The following PDLIM3 variants were observed in gnomAD, a reference collection of about 807,000 sequenced individuals.
PDLIM3 encodes PDZ and LIM domain 3, also known as PDZ and LIM domain protein 3.
In PDLIM3, 36 loss-of-function variants were observed where a neutral mutation model predicts 37.3. That is an observed-to-expected ratio of 0.97 (90% CI 0.74 to 1.28). PDLIM3 has a LOEUF of 1.28. Ranked by LOEUF, PDLIM3 falls within the 50% of genes most tolerant of loss-of-function variation. PDLIM3 has a pLI of 0.00. For missense variants in PDLIM3, 454 were observed against 485.0 expected, an observed-to-expected ratio of 0.94 and a Z score of 0.60; for synonymous variants, 174 against 182.4, an observed-to-expected ratio of 0.95 and a Z score of 0.37.
intron 3 of PDLIM3, among the ~76,000 whole-genome samples, chr4:185,519,308 CG>C (rs1221241191): frequency 2.6e-5 from 4 of 152,092 alleles, no homozygotes; most frequent in Non-Finnish European, 4.4e-5. Context: ...ATTTGTGAGA[CG>C]GAGTCTTACT....
intron 1 of PDLIM3, among the ~76,000 whole-genome samples, chr4:185,526,453 G>A (rs2095734331): frequency 6.6e-6 from 1 of 152,106 alleles, no homozygotes; most frequent in Non-Finnish European, 1.5e-5. Flanking sequence ...ATGTTTTTCA[G>A]GGGCAGGAAT....
chr4:185,533,171 G>T (rs562410393), intron 1 of PDLIM3, among the ~76,000 whole-genome samples: 1 of 152,064 alleles, frequency 6.6e-6, no homozygotes, highest in East Asian at 1.9e-4. Context: ...CACATAAAAG[G>T]TTCCCATCAA....
intron 3 of PDLIM3, among the ~76,000 whole-genome samples, chr4:185,520,073 C>T (rs4862542): frequency 6.6e-6 from 1 of 152,252 alleles, no homozygotes; most frequent in African/African-American, 2.4e-5. Context: ...GCTTTTCTCT[C>T]GTCTCAGTCC....
intron 4 of PDLIM3, among the ~76,000 whole-genome samples, chr4:185,509,960 C>A (rs967112953): frequency 6.6e-6 from 1 of 151,880 alleles, no homozygotes; most frequent in East Asian, 1.9e-4. Flanking sequence ...TAACTACCTA[C>A]ATAACCTAAA....
chr4:185,530,821 C>A lies in PDLIM3; in HGVS notation c.93+4521G>T, dbSNP rs148496150. Among the ~76,000 whole-genome samples the A allele has an allele frequency of 2.4e-3, 366 of 152,190 alleles. 1 individual carries two copies. The highest frequency in any genetic ancestry group is 2.1e-3 in the Non-Finnish European group (143 of 68,010). On this transcript the variant is annotated intron_variant, in intron 1 of 7. Transcript: ENST00000284767. ...TGCACTCTTCACCTGTAAATCACTTCGAAGTCTTAGTTATCAGATCGGCTG... is the reference window on the plus strand; with the variant it reads ...TGCACTCTTCACCTGTAAATCACTTAGAAGTCTTAGTTATCAGATCGGCTG...
chr4:185,504,371 A>G lies in PDLIM3; in HGVS notation c.905+104T>C. 1 of 868,830 alleles carries G rather than the reference A, an allele frequency of 1.2e-6. No individual in the cohort carries two copies. The highest frequency in any genetic ancestry group is 1.9e-6 in the Non-Finnish European group (1 of 534,116). The allele number at this position is 868,830 out of a possible 1,614,324, so 53.8% of individuals were successfully genotyped here. A position where few individuals can be genotyped will look rare whatever the true frequency, so the allele number is the denominator to read the frequency against. On this transcript the variant is annotated intron_variant, in intron 7 of 7. Transcript: ENST00000284767. The surrounding 1 kb of genome is among the most constrained non-coding windows in gnomAD (Gnocchi z 4.7). ...CTTACGTTTCAAGTTGATGAATAGA[A>G]ATTTGGTTTTCACAGTTGCCTTTAG...
In PDLIM3 at chr4:185,514,575, A is replaced by C; in HGVS notation, c.331-238T>G. On this transcript the variant is annotated intron_variant, in intron 3 of 7. Transcript: ENST00000284767. The surrounding 1 kb of genome is among the most constrained non-coding windows in gnomAD (Gnocchi z 4.0). ...GAACATGTTTTAGATGCTTGTCTTT[A>C]AAAGAGAAATCTGATAGTGCCTTCA... The C allele has an allele frequency of 4.8e-6, 6 of 1,253,222 alleles. No homozygotes were observed. The highest frequency in any genetic ancestry group is 6.6e-6 in the Non-Finnish European group (6 of 911,122). 77.6% of individuals were successfully genotyped at this position (1,253,222 alleles called of 1,614,324 possible).
In PDLIM3 at chr4:185,508,312, T is replaced by C; in HGVS notation, c.649A>G (p.Thr217Ala). The C allele has an allele frequency of 6.2e-7, 1 of 1,614,154 alleles. No individual in the cohort carries two copies. Among genetic ancestry groups the C allele is most frequent in the Non-Finnish European group, 8.5e-7 (1 of 1,180,002 alleles). ...QGQVSTALGETPLMSEPTASV... is the reference protein window; with the variant it reads ...QGQVSTALGEAPLMSEPTASV... ...GACTCATATTACCTCATCAAAGGTGTTTCCCCTAGGGCTGTTGAAACCTGA... is the reference window on the plus strand; with the variant it reads ...GACTCATATTACCTCATCAAAGGTGCTTCCCCTAGGGCTGTTGAAACCTGA... Residue 217 changes from threonine (T) to alanine (A), a missense_variant, in exon 5 of 8, where the codon ACA (threonine) becomes GCA (alanine). Transcript: ENST00000284767.
intron 1 of PDLIM3, 65 bp from the exon 2 acceptor site, chr4:185,525,236 C>A: frequency 6.6e-7 from 1 of 1,505,488 alleles, no homozygotes; most frequent in African/African-American, 1.4e-5. Flanking sequence ...TTGTGCCTGA[C>A]ATTTGTGTTT....
rs2095752395 is a variant in PDLIM3, at chr4:185,535,489, C to T, written c.-55G>A. 6.8e-7 allele frequency: 1 copy of T among 1,467,926 alleles called. No homozygotes were observed. The highest frequency in any genetic ancestry group is 2.1e-5 in the Admixed American group (1 of 48,718). The allele number at this position is 1,467,926 out of a possible 1,614,324, so 90.9% of individuals were successfully genotyped here. ...AGTGTCCCCGCGCAGGGCAGCCACT[C>T]CGCGCCGGGCGGCGTCCTGGCCCCG... On this transcript the variant is annotated 5_prime_UTR_variant, in exon 1 of 8. Coordinates refer to ENST00000284767, the MANE Select transcript of PDLIM3 (RefSeq NM_014476.6).
At chr4:185,518,727 GA>G (rs1307938223) in intron 3 of PDLIM3, among the ~76,000 whole-genome samples, 2 of 152,254 alleles carry the variant, frequency 1.3e-5, no homozygotes, top group South Asian at 4.2e-4. Context: ...AGAGCTTGAG[GA>G]AATGGTGACT....
intron 7 of PDLIM3, among the ~76,000 whole-genome samples, chr4:185,503,330 G>A (rs531117478): frequency 6.6e-6 from 1 of 152,216 alleles, no homozygotes; most frequent in African/African-American, 2.4e-5. Flanking sequence ...ACTGTGAACA[G>A]TTTATTCCAA....
At position 185,502,426 on chromosome 4, in the gene PDLIM3, G is replaced by A. The variant is rs148518020; in HGVS notation, c.963C>T (p.Ala321=). The change falls in exon 8 of 8, where the codon GCC becomes GCT. Residue 321 remains alanine, a synonymous_variant. Transcript: ENST00000284767. Reference sequence around the variant, plus strand: ...TTTGCTTGAGGTTGAGGTTGCAGTCGGCACACACGAAGCACTCAGGGTGCC... The same window carrying A: ...TTTGCTTGAGGTTGAGGTTGCAGTCAGCACACACGAAGCACTCAGGGTGCC... The part of the protein sequence containing the change: ...KYRHPECFVC[A]DCNLNLKQKG... The A allele has an allele frequency of 1.3e-4, 205 of 1,614,024 alleles. No homozygotes were observed. Among genetic ancestry groups the A allele is most frequent in the African/African-American group, 5.9e-4 (44 of 74,892 alleles).
chr4:185,503,028 C>G (rs1221643831), intron 7 of PDLIM3, among the ~76,000 whole-genome samples: 4 of 152,040 alleles, frequency 2.6e-5, no homozygotes, highest in Admixed American at 6.5e-5. Context: ...GAGATCGAGA[C>G]CATCCTGGCT....
chr4:185,528,058 C>T (rs576679103), intron 1 of PDLIM3, among the ~76,000 whole-genome samples: 54 of 116,704 alleles, frequency 4.6e-4, no homozygotes, highest in African/African-American at 1.6e-3. Context: ...CCTCCTCTCA[C>T]CAAAAACAAA....
At chr4:185,508,842 G>T (rs1267650793) in intron 4 of PDLIM3, among the ~76,000 whole-genome samples, 4 of 152,154 alleles carry the variant, frequency 2.6e-5, no homozygotes, top group African/African-American at 7.2e-5. Context: ...TGTAATTTGA[G>T]GGTTACATGT....
In PDLIM3 at chr4:185,502,319, G is replaced by A. The variant is rs775841507; in HGVS notation, c.1070C>T (p.Thr357Met). The change falls in exon 8 of 8, where the codon ACG becomes ATG. Residue 357 changes from threonine (T) to methionine (M), a missense_variant. Physicochemically the swap from Thr to Met is moderately conservative, Grantham distance 81. Transcript: ENST00000284767. Reference sequence around the variant, plus strand: ...TTAAGCTTTGGGATACAGAGTGACCGTGTCATAGCCCTCTGGGGGCTTTGT... The same window carrying A: ...TTAAGCTTTGGGATACAGAGTGACCATGTCATAGCCCTCTGGGGGCTTTGT... ...ARTKPPEGYD[T>M]VTLYPKA 13 of 1,614,120 alleles carry A rather than the reference G, an allele frequency of 8.1e-6. No homozygotes were observed. The East Asian group carries it at 2.0e-4, about 25-fold the overall frequency.
chr4:185,502,855 G>T (rs976238771), intron 7 of PDLIM3, among the ~76,000 whole-genome samples: 4 of 152,282 alleles, frequency 2.6e-5, no homozygotes, highest in Middle Eastern at 3.4e-3. Context: ...GACGGGGGTG[G>T]TTGTCTACCC....
Position 185,504,092 on chromosome 4 carries a change from G to A in PDLIM3, c.905+383C>T, listed in dbSNP as rs1349937746. Among the ~76,000 whole-genome samples, 2 of 152,140 alleles carry A rather than the reference G, an allele frequency of 1.3e-5. No individual in the cohort carries two copies. Among genetic ancestry groups the A allele is most frequent in the African/African-American group, 4.8e-5 (2 of 41,426 alleles). ...ATTTGTTTCCCTGTGTTTATACAGA[G>A]GAGGATACTATGTATACTAAATGTA... On this transcript the variant is annotated intron_variant, in intron 7 of 7. Coordinates refer to ENST00000284767, the MANE Select transcript of PDLIM3 (RefSeq NM_014476.6). This position sits in a 1 kb window ranked among gnomAD's most constrained non-coding sequence, Gnocchi z 4.7.
Sources: gnomAD v4.1 joint callset for allele counts (sites outside exome capture counted in the v4.1 genomes callset) on GRCh38, gnomAD v4.1.1 for gene constraint, Gnocchi (gnomAD v3.1) non-coding constraint, MANE v1.5 for transcripts, NCBI Gene and HGNC (gene_info 2026-07-23, HGNC 2026-07-21) for gene names.